Variants in DSCAM observed in about 807,000 individuals in gnomAD.
DSCAM encodes DS cell adhesion molecule, also known as cell adhesion molecule DSCAM.
Under a neutral mutation model 217.7 loss-of-function variants are expected in DSCAM, and 47 were observed. The observed-to-expected ratio is 0.22, with a 90% CI of 0.17 to 0.28. The LOEUF is 0.28. DSCAM is among the 10% of genes least tolerant of loss of function. The pLI, the probability that DSCAM is intolerant of heterozygous loss-of-function variation, is 1.00. For synonymous variants in DSCAM, 1,056 were observed against 1,015.3 expected (o/e 1.04, Z -0.76); for missense variants, 2,080 against 2,618.3 (o/e 0.79, Z 4.49).
chr21:40,700,363 T>G (rs1317826954), intron 2 of DSCAM, among the ~76,000 whole-genome samples: 1 of 152,208 alleles, frequency 6.6e-6, no homozygotes, highest in Non-Finnish European at 1.5e-5. Context: ...ATTGAGGAAG[T>G]TCCTTTCTAC....
intron 27 of DSCAM, among the ~76,000 whole-genome samples, chr21:40,064,901 A>G (rs2089183297): frequency 1.3e-5 from 2 of 152,128 alleles, no homozygotes; most frequent in Non-Finnish European, 2.9e-5. Flanking sequence ...TGGGTGGTGG[A>G]TGGGTGTGGG....
chr21:40,318,876 A>G (rs930716904), intron 8 of DSCAM, among the ~76,000 whole-genome samples: 1 of 151,990 alleles, frequency 6.6e-6, no homozygotes, highest in East Asian at 1.9e-4. Context: ...ATTAACTGAC[A>G]TTGACCTAGG....
intron 1 of DSCAM, among the ~76,000 whole-genome samples, chr21:40,713,914 G>A (rs1274000653): frequency 1.3e-5 from 2 of 152,224 alleles, no homozygotes; most frequent in South Asian, 2.1e-4. Context: ...AAGCTGTCTC[G>A]GGACCTATCC....
chr21:40,663,660 C>T (rs1048771750), intron 3 of DSCAM, among the ~76,000 whole-genome samples: 3 of 152,158 alleles, frequency 2.0e-5, no homozygotes, highest in Admixed American at 6.5e-5. Context: ...AGACTCTTTC[C>T]CCCTGGCTAC....
chr21:40,236,283 G>A (rs919392268), intron 11 of DSCAM, among the ~76,000 whole-genome samples: 16 of 152,188 alleles, frequency 1.1e-4, no homozygotes, highest in African/African-American at 3.6e-4. Flanking sequence ...TTTGATTAAT[G>A]AATAAGTCAA....
chr21:40,766,525 G>A (rs1222158205), intron 1 of DSCAM, among the ~76,000 whole-genome samples: 1 of 151,672 alleles, frequency 6.6e-6, no homozygotes, highest in Non-Finnish European at 1.5e-5. Context: ...TTTTCCCCTG[G>A]GAGTTTTACT....
At chr21:40,260,669 C>T (rs2073437925) in intron 11 of DSCAM, among the ~76,000 whole-genome samples, 1 of 152,314 alleles carries the variant, frequency 6.6e-6, no homozygotes, top group South Asian at 2.1e-4. Flanking sequence ...AGCTTATTTC[C>T]ATGTACCCAT....
chr21:40,469,732 T>C (rs779382473), intron 3 of DSCAM, among the ~76,000 whole-genome samples: 3 of 152,188 alleles, frequency 2.0e-5, no homozygotes, highest in Non-Finnish European at 4.4e-5. Context: ...AAAAATTAAA[T>C]ACCAGAAATT....
At chr21:40,420,297 G>C (rs753155672) in intron 3 of DSCAM, among the ~76,000 whole-genome samples, 1 of 152,160 alleles carries the variant, frequency 6.6e-6, no homozygotes, top group South Asian at 2.1e-4. Context: ...ATCTGCGCTT[G>C]AGTGTATGAC....
chr21:40,336,558 A>G (rs984918082), intron 8 of DSCAM, among the ~76,000 whole-genome samples: 2 of 152,238 alleles, frequency 1.3e-5, no homozygotes, highest in Non-Finnish European at 2.9e-5. Flanking sequence ...TTTTTATGTT[A>G]CAAAATCATG....
chr21:40,117,614 T>A (rs1333681092), intron 20 of DSCAM, among the ~76,000 whole-genome samples: 1 of 152,168 alleles, frequency 6.6e-6, no homozygotes, highest in Non-Finnish European at 1.5e-5. Context: ...AGGAATTTAA[T>A]GGAACATGAC....
chr21:40,355,427 T>C (rs1294665273), intron 4 of DSCAM, among the ~76,000 whole-genome samples: 1 of 152,194 alleles, frequency 6.6e-6, no homozygotes, highest in Non-Finnish European at 1.5e-5. Flanking sequence ...GATAAAATAT[T>C]CTCAAGAACT....
chr21:40,474,918 G>T (rs1324621860), intron 3 of DSCAM, among the ~76,000 whole-genome samples: 1 of 151,998 alleles, frequency 6.6e-6, no homozygotes, highest in African/African-American at 2.4e-5. Flanking sequence ...CCCACACCTG[G>T]GCACCTAGGC....
chr21:40,708,724 G>A lies in DSCAM; in HGVS notation c.91C>T (p.Leu31=), dbSNP rs766541053. 50 of 1,605,738 alleles carry A rather than the reference G, an allele frequency of 3.1e-5. 1 individual carries two copies. In the South Asian group the frequency reaches 4.7e-4, roughly 15 times the overall value. ...GTGCTGGCAAACACTACCTCTTGCA[G>A]AGATGCATTGACAAAGTAGAGGCTG... The part of the protein sequence containing the change: ...HSSLYFVNAS[L]QEVVFASTTG... Residue 31 remains leucine (L), a synonymous_variant, in exon 2 of 33, where the codon CTG becomes TTG. Coordinates refer to ENST00000400454, the MANE Select transcript of DSCAM (RefSeq NM_001389.5).
chr21:40,495,205 A>G (rs1446364702), intron 3 of DSCAM, among the ~76,000 whole-genome samples: 1 of 152,212 alleles, frequency 6.6e-6, no homozygotes, highest in African/African-American at 2.4e-5. Flanking sequence ...AAAGTCTAAG[A>G]GGTGAAGCTT....
In DSCAM at chr21:40,458,791, C is replaced by T. The variant is rs576886810; in HGVS notation, c.509-89546G>A. 1.6e-4 allele frequency among the ~76,000 whole-genome samples: 24 copies of T among 152,060 alleles called. No individual in the cohort carries two copies. In the South Asian group the frequency reaches 4.8e-3, roughly 30 times the overall value. On this transcript the variant is annotated intron_variant, in intron 3 of 32. Coordinates refer to ENST00000400454, the MANE Select transcript of DSCAM (RefSeq NM_001389.5). ...TTCCCGGCAATCAAGGAAAAAATTG[C>T]CAATCTTGAAGACATGTTAGGTCAC...
intron 3 of DSCAM, among the ~76,000 whole-genome samples, chr21:40,436,069 G>A (rs1020942118): frequency 1.3e-5 from 2 of 152,074 alleles, no homozygotes; most frequent in Non-Finnish European, 2.9e-5. Context: ...TAAGTATGAT[G>A]TTCAATATGT....
chr21:40,082,216 G>C (rs769873598), intron 24 of DSCAM, among the ~76,000 whole-genome samples: 8 of 152,102 alleles, frequency 5.3e-5, no homozygotes, highest in Non-Finnish European at 1.2e-4. Flanking sequence ...ATCCCAGCAC[G>C]TTGGGAAGCC....
chr21:40,268,883 C>T (rs1481493684), intron 11 of DSCAM, among the ~76,000 whole-genome samples: 1 of 152,126 alleles, frequency 6.6e-6, no homozygotes, highest in African/African-American at 2.4e-5. Flanking sequence ...TCACCAGGTA[C>T]TGAGCTCCCT....
Sources: allele counts gnomAD v4.1 joint callset (sites outside exome capture counted in the v4.1 genomes callset), GRCh38; gene constraint gnomAD v4.1.1; transcripts MANE v1.5; gene names NCBI Gene and HGNC (gene_info 2026-07-23, HGNC 2026-07-21).